Variants in RPH3A observed in about 807,000 individuals in gnomAD.
RPH3A encodes rabphilin 3A.
RPH3A carries 48 observed loss-of-function variants against 102.2 expected under a neutral mutation model. The ratio of observed to expected loss-of-function variants is 0.47; its 90% CI spans 0.37 to 0.60. The LOEUF is 0.60. RPH3A is among the 20% of genes least tolerant of loss of function. The pLI, the probability that RPH3A is intolerant of heterozygous loss-of-function variation, is 0.00. For synonymous variants in RPH3A, 310 were observed against 324.3 expected (o/e 0.96, Z 0.47); for missense variants, 781 against 910.1 (o/e 0.86, Z 1.83).
chr12:112,794,685 C>A (rs748139099), intron 2 of RPH3A, among the ~76,000 whole-genome samples: 10 of 152,194 alleles, frequency 6.6e-5, no homozygotes, highest in South Asian at 2.1e-4. Flanking sequence ...GAGCACCCCC[C>A]CAAGTTCAGG....
intron 1 of RPH3A, among the ~76,000 whole-genome samples, chr12:112,727,741 T>C (rs1322817925): frequency 6.6e-6 from 1 of 152,144 alleles, no homozygotes; most frequent in Admixed American, 6.5e-5. Flanking sequence ...ATCTTGATTA[T>C]ATAGTTTGTG....
At chr12:112,709,725 G>A (rs188874001) in intron 1 of RPH3A, among the ~76,000 whole-genome samples, 18 of 152,262 alleles carry the variant, frequency 1.2e-4, no homozygotes, top group Admixed American at 7.8e-4. Context: ...CAAGCTTGTA[G>A]GTTGCAGGTG....
chr12:112,743,419 G>T (rs1226368400), intron 1 of RPH3A, among the ~76,000 whole-genome samples: 1 of 152,194 alleles, frequency 6.6e-6, no homozygotes, highest in Non-Finnish European at 1.5e-5. Flanking sequence ...AGATGCAGGG[G>T]TTTTTCCATA....
chr12:112,743,988 C>T (rs1036150905), intron 1 of RPH3A, among the ~76,000 whole-genome samples: 4 of 152,208 alleles, frequency 2.6e-5, no homozygotes, highest in African/African-American at 9.7e-5. Context: ...TGGCCTGGCA[C>T]ATAGTAGGCG....
At chr12:112,698,818 C>T (rs2040370490) in intron 1 of RPH3A, among the ~76,000 whole-genome samples, 1 of 151,972 alleles carries the variant, frequency 6.6e-6, no homozygotes. Context: ...CCTCCTTCTC[C>T]TTCTCCTACT....
At position 112,883,353 on chromosome 12, in the gene RPH3A, C is replaced by T. The variant is rs941902023; in HGVS notation, c.1387C>T (p.Leu463Phe). 1.2e-6 allele frequency: 2 copies of T among 1,614,106 alleles called. No individual in the cohort carries two copies. The highest frequency in any genetic ancestry group is 2.7e-5 in the African/African-American group (2 of 75,018). ...CCGGAACCCCATCTGGAATGAGACC[C>T]TCGTGTATCACGGCATCACCGATGA... The part of the protein sequence containing the change: ...NTRNPIWNET[L>F]VYHGITDEDM... The change falls in exon 16 of 22, where the codon CTC becomes TTC. Residue 463 changes from leucine to phenylalanine, a missense_variant. Leu to Phe is a conservative substitution (Grantham distance 22). This residue lies in a region of RPH3A where 730 missense variants were observed against 810.0 expected (regional missense o/e 0.90). Coordinates refer to ENST00000389385, the MANE Select transcript of RPH3A (RefSeq NM_001143854.2).
chr12:112,756,263 G>A (rs1257500500), intron 1 of RPH3A, among the ~76,000 whole-genome samples: 1 of 151,868 alleles, frequency 6.6e-6, no homozygotes, highest in African/African-American at 2.4e-5. Context: ...GCCCAGGCTG[G>A]AGTACAATGG....
At chr12:112,799,031 A>G (rs960968237) in intron 2 of RPH3A, among the ~76,000 whole-genome samples, 1 of 152,214 alleles carries the variant, frequency 6.6e-6, no homozygotes, top group Non-Finnish European at 1.5e-5. Context: ...AAGTAGGGTC[A>G]CCAACCATTC....
chr12:112,667,825 A>G (rs2040098511), intron 1 of RPH3A, among the ~76,000 whole-genome samples: 2 of 152,180 alleles, frequency 1.3e-5, no homozygotes, highest in South Asian at 2.1e-4. Flanking sequence ...GCAAAGAAAG[A>G]GTTGGGGACA....
intron 2 of RPH3A, among the ~76,000 whole-genome samples, chr12:112,827,909 GAA>G (rs5800969): frequency 1.6e-4 from 24 of 149,944 alleles, no homozygotes; most frequent in South Asian, 6.3e-4. Flanking sequence ...AAAAAAAAGG[GAA>G]AAAAAAAAGG....
chr12:112,824,021 C>G (rs2041826048), intron 2 of RPH3A, among the ~76,000 whole-genome samples: 1 of 152,250 alleles, frequency 6.6e-6, no homozygotes, highest in South Asian at 2.1e-4. Flanking sequence ...TCTCCTCCCA[C>G]ACAAGGTCAA....
At chr12:112,630,353 A>C (rs1229390874) in intron 1 of RPH3A, among the ~76,000 whole-genome samples, 1 of 152,244 alleles carries the variant, frequency 6.6e-6, no homozygotes, top group East Asian at 1.9e-4. Context: ...GAGAGTTCTC[A>C]GAAGAACTGG....
At chr12:112,706,288 A>C (rs959450753) in intron 1 of RPH3A, among the ~76,000 whole-genome samples, 17 of 152,188 alleles carry the variant, frequency 1.1e-4, no homozygotes, top group Admixed American at 9.8e-4. Flanking sequence ...TGAGAATTAG[A>C]GTATAAATAC....
chr12:112,651,301 G>A (rs971610692), intron 1 of RPH3A, among the ~76,000 whole-genome samples: 1 of 152,002 alleles, frequency 6.6e-6, no homozygotes, highest in African/African-American at 2.4e-5. Context: ...TGGAGGTGGA[G>A]GCTGTAGTGA....
chr12:112,883,851 A>G (rs750784528), intron 16 of RPH3A, among the ~76,000 whole-genome samples: 59 of 134,938 alleles, frequency 4.4e-4, no homozygotes, highest in Non-Finnish European at 8.4e-4. Flanking sequence ...ATTAGAAGTA[A>G]TGGATATATA....
chr12:112,864,184 G>A (rs1477015846), intron 5 of RPH3A, among the ~76,000 whole-genome samples: 6 of 152,196 alleles, frequency 3.9e-5, no homozygotes, highest in African/African-American at 1.4e-4. Flanking sequence ...CAGGCGCAGG[G>A]GCTCACGCCT....
chr12:112,664,254 A>T lies in RPH3A; in HGVS notation c.-140+88935A>T, dbSNP rs547412393. 2.1e-4 allele frequency among the ~76,000 whole-genome samples: 32 copies of T among 152,254 alleles called. No homozygotes were observed. The East Asian group carries it at 5.6e-3, about 27-fold the overall frequency. ...AGAAAGGGTGAAGGTCAGACCAGGA[A>T]GGAAGAAGGCAGAGGACTTTATGAG... On this transcript the variant is annotated intron_variant, in intron 1 of 21. Coordinates refer to the RPH3A transcript ENST00000543106.
At chr12:112,858,401 A>G (rs1229577843) in intron 5 of RPH3A, among the ~76,000 whole-genome samples, 1 of 150,892 alleles carries the variant, frequency 6.6e-6, no homozygotes, top group Non-Finnish European at 1.5e-5. Context: ...AAGACCCTGC[A>G]TGGAGTGGTC....
chr12:112,606,598 C>G (rs1443167004), intron 1 of RPH3A, among the ~76,000 whole-genome samples: 1 of 152,124 alleles, frequency 6.6e-6, no homozygotes, highest in Non-Finnish European at 1.5e-5. Flanking sequence ...CCAGGCTGAT[C>G]TTGAACTCCT....
Sources: allele counts gnomAD v4.1 joint callset (sites outside exome capture counted in the v4.1 genomes callset), GRCh38; gene constraint gnomAD v4.1.1; regional missense constraint gnomAD v4.1.1; transcripts MANE v1.5; gene names NCBI Gene and HGNC (gene_info 2026-07-23, HGNC 2026-07-21).